Variants in SND1 observed in about 807,000 individuals in gnomAD.
SND1 encodes the protein staphylococcal nuclease domain-containing protein 1.
Under a neutral mutation model 121.7 loss-of-function variants are expected in SND1, and 38 were observed. That is an observed-to-expected ratio of 0.31 (90% CI 0.24 to 0.41). SND1 has a LOEUF of 0.41. SND1 is among the 10% of genes least tolerant of loss of function. SND1 has a pLI of 1.00. For missense variants in SND1, 868 were observed against 1,184.6 expected (o/e 0.73, Z 3.92); for synonymous variants, 401 against 447.4 (o/e 0.90, Z 1.31).
intron 15 of SND1, among the ~76,000 whole-genome samples, chr7:127,983,613 A>AT (rs1234540967): frequency 6.6e-6 from 1 of 152,090 alleles, no homozygotes; most frequent in Non-Finnish European, 1.5e-5. Flanking sequence ...CAAAACTGCC[A>AT]TTTTGTCTCC....
rs59825900 is a variant in SND1 at position 127,953,151 on chromosome 7, CGTGTGTGTGTGTGTGTGTGTGT to C, written c.1669+23871_1669+23892del. Among the ~76,000 whole-genome samples, 656 of 92,334 alleles carry C rather than the reference CGTGTGTGTGTGTGTGTGTGTGT, an allele frequency of 7.1e-3. 7 individuals carry two copies. Among genetic ancestry groups the C allele is most frequent in the African/African-American group, 0.016 (390 of 24,986 alleles). 60.6% of individuals were successfully genotyped at this position (92,334 alleles called of 152,430 possible). A position where few individuals can be genotyped will look rare whatever the true frequency, so the allele number is the denominator to read the frequency against. ...TGCACTCCAGCCTGGGTGACAAGAC[CGTGTGTGTGTGTGTGTGTGTGT>C]GTGTGTGTGTGTGTGTGTGTGTGTG... On this transcript the variant is annotated intron_variant, in intron 15 of 23. Coordinates refer to ENST00000354725, the MANE Select transcript of SND1 (RefSeq NM_014390.4).
intron 13 of SND1, among the ~76,000 whole-genome samples, chr7:127,897,355 C>T (rs1467467728): frequency 1.3e-5 from 2 of 152,086 alleles, no homozygotes; most frequent in African/African-American, 4.8e-5. Context: ...AGTCAAAAGA[C>T]ACATTAAAGT....
chr7:127,797,417 G>T (rs1361919094), intron 10 of SND1, among the ~76,000 whole-genome samples: 1 of 152,214 alleles, frequency 6.6e-6, no homozygotes, highest in Non-Finnish European at 1.5e-5. Context: ...CTCAAGCCTT[G>T]TTCTCTTCAG....
At chr7:128,023,641 G>A (rs747249879) in intron 16 of SND1, among the ~76,000 whole-genome samples, 3 of 152,096 alleles carry the variant, frequency 2.0e-5, no homozygotes, top group Admixed American at 6.5e-5. Context: ...CACAGTGATC[G>A]GGCTTATAGA....
At chr7:127,793,709 C>A (rs935713418) in intron 10 of SND1, among the ~76,000 whole-genome samples, 14 of 152,222 alleles carry the variant, frequency 9.2e-5, no homozygotes, top group South Asian at 6.2e-4. Flanking sequence ...GATCAAGGCA[C>A]CAGTCTCACG....
chr7:127,713,387 A>G (rs528861082), intron 9 of SND1, among the ~76,000 whole-genome samples: 1 of 152,362 alleles, frequency 6.6e-6, no homozygotes, highest in Non-Finnish European at 1.5e-5. Flanking sequence ...ATTTTACCTG[A>G]TTTAAAATAT....
At chr7:127,914,079 A>G (rs1256284624) in intron 14 of SND1, among the ~76,000 whole-genome samples, 1 of 152,174 alleles carries the variant, frequency 6.6e-6, no homozygotes, top group East Asian at 1.9e-4. Flanking sequence ...GGAAGAAATT[A>G]TAGAATTCCT....
In SND1 at chr7:128,092,123, G is replaced by T. The variant is rs776896452; in HGVS notation, c.*65G>T. On this transcript the variant is annotated 3_prime_UTR_variant, in exon 24 of 24. Transcript: ENST00000354725. The surrounding 1 kb of genome is among the most constrained non-coding windows in gnomAD (Gnocchi z 4.9). ...GTCCCTCTTCCTCTGCCGGGAGGGT[G>T]TTTTCAACTCCAAACCCCAGAGAGG... 1 of 1,524,684 alleles carries T rather than the reference G, an allele frequency of 6.6e-7. No individual in the cohort carries two copies. 94.4% of individuals were successfully genotyped at this position (1,524,684 alleles called of 1,614,324 possible). A position where few individuals can be genotyped will look rare whatever the true frequency, so the allele number is the denominator to read the frequency against.
chr7:128,042,613 A>G (rs1451546654), intron 16 of SND1: 2 of 152,278 alleles, frequency 1.3e-5, no homozygotes, highest in East Asian at 3.8e-4. Context: ...CTCTCTCCCC[A>G]AGCAAGAGCT....
At chr7:127,961,408 A>G (rs1801727896) in intron 15 of SND1, among the ~76,000 whole-genome samples, 1 of 152,244 alleles carries the variant, frequency 6.6e-6, no homozygotes, top group African/African-American at 2.4e-5. Context: ...ATTCCGAGCC[A>G]CTTGAAAAGC....
chr7:127,738,451 T>G (rs1796819989), intron 10 of SND1, among the ~76,000 whole-genome samples: 1 of 152,018 alleles, frequency 6.6e-6, no homozygotes, highest in South Asian at 2.1e-4. Flanking sequence ...TCTAATTTTT[T>G]GCATTTTTAG....
At position 127,807,478 on chromosome 7, in the gene SND1, T is replaced by G; in HGVS notation, c.1153-6T>G. 1 of 1,609,556 alleles carries G rather than the reference T, an allele frequency of 6.2e-7. No individual in the cohort carries two copies. Among genetic ancestry groups the G allele is most frequent in the Non-Finnish European group, 8.5e-7 (1 of 1,175,944 alleles). On this transcript the variant is annotated splice_region_variant and splice_polypyrimidine_tract_variant and intron_variant, in intron 10 of 23. Coordinates refer to ENST00000354725, the MANE Select transcript of SND1 (RefSeq NM_014390.4). ...TTCCTGATGTCATGTTTTATTTTAC[T>G]TTTAGGATAAGAACAAGAAACTGCG...
intron 10 of SND1, among the ~76,000 whole-genome samples, chr7:127,730,990 G>A (rs573443644): frequency 2.6e-5 from 4 of 152,334 alleles, no homozygotes; most frequent in East Asian, 1.9e-4. Flanking sequence ...ATTCATATTC[G>A]TATGGAGCTG....
chr7:127,750,493 G>A (rs966345533), intron 10 of SND1, among the ~76,000 whole-genome samples: 3 of 152,284 alleles, frequency 2.0e-5, no homozygotes, highest in Non-Finnish European at 4.4e-5. Flanking sequence ...GTGGGGTTGT[G>A]GGTAGGAACC....
intron 11 of SND1, among the ~76,000 whole-genome samples, chr7:127,813,829 C>T (rs1276863185): frequency 6.6e-6 from 1 of 152,126 alleles, no homozygotes; most frequent in Non-Finnish European, 1.5e-5. Flanking sequence ...TCCCAAAGTG[C>T]TGGGATTACA....
At chr7:128,067,158 T>C (rs1430588122) in intron 16 of SND1, among the ~76,000 whole-genome samples, 2 of 152,088 alleles carry the variant, frequency 1.3e-5, no homozygotes, top group African/African-American at 2.4e-5. Flanking sequence ...AGAGAGAACC[T>C]TGGAAACTTT....
chr7:127,702,471 G>A lies in SND1; in HGVS notation c.626G>A (p.Arg209Lys). The change falls in exon 6 of 24, where the codon AGG becomes AAG. Residue 209 changes from arginine (R) to lysine (K), a missense_variant. Arg to Lys is a conservative substitution (Grantham distance 26). This residue lies in a region of SND1 where 743 missense variants were observed against 1,071.3 expected (regional missense o/e 0.69). Transcript: ENST00000354725. Reference protein sequence around the residue: ...IEHVRDGSVVRALLLPDYYLV... With the variant: ...IEHVRDGSVVKALLLPDYYLV... Reference sequence around the variant, plus strand: ...CATGTGCGGGACGGCAGTGTGGTCAGGGCCCTGCTCCTCCCAGATTACTAC... The same window carrying A: ...CATGTGCGGGACGGCAGTGTGGTCAAGGCCCTGCTCCTCCCAGATTACTAC... 6.2e-7 allele frequency: 1 copy of A among 1,614,152 alleles called. No individual in the cohort carries two copies. The highest frequency in any genetic ancestry group is 8.5e-7 in the Non-Finnish European group (1 of 1,179,982).
At chr7:127,854,155 C>G (rs1799224704) in intron 12 of SND1, among the ~76,000 whole-genome samples, 1 of 152,124 alleles carries the variant, frequency 6.6e-6, no homozygotes, top group Non-Finnish European at 1.5e-5. Flanking sequence ...GACACAGTCT[C>G]ACTCTGTTGC....
At chr7:127,691,466 C>A (rs1220446682) in intron 2 of SND1, among the ~76,000 whole-genome samples, 1 of 151,838 alleles carries the variant, frequency 6.6e-6, no homozygotes, top group Non-Finnish European at 1.5e-5. Context: ...ATTGCTTGAA[C>A]CCGGGAAGCG....
Sources: gnomAD v4.1 joint callset for allele counts (sites outside exome capture counted in the v4.1 genomes callset) on GRCh38, gnomAD v4.1.1 for gene constraint, gnomAD v4.1.1 regional missense constraint, Gnocchi (gnomAD v3.1) non-coding constraint, MANE v1.5 for transcripts, NCBI Gene and HGNC (gene_info 2026-07-23, HGNC 2026-07-21) for gene names.